The following CDH1 variants were observed in gnomAD, a reference collection of about 807,000 sequenced individuals.
CDH1 encodes the protein cadherin 1.
Under a neutral mutation model 84.5 loss-of-function variants are expected in CDH1, and 35 were observed. The observed-to-expected ratio is 0.41, with a 90% CI of 0.32 to 0.55. The LOEUF (loss-of-function observed/expected upper bound fraction) is 0.55, where lower values mean the gene tolerates loss of function less well. CDH1 is among the 20% of genes least tolerant of loss of function. The pLI, the probability that CDH1 is intolerant of heterozygous loss-of-function variation, is 0.19. For missense variants in CDH1, 994 were observed against 1,126.6 expected (o/e 0.88, Z 1.68); for synonymous variants, 417 against 439.0 (o/e 0.95, Z 0.63).
chr16:68,777,238 A>G (rs1276802565), intron 2 of CDH1, among the ~76,000 whole-genome samples: 3 of 152,232 alleles, frequency 2.0e-5, no homozygotes, highest in African/African-American at 7.2e-5. Context: ...CTCTGGGGCC[A>G]GACGGCCTGT....
In CDH1 at chr16:68,813,700, C is replaced by T. The variant is rs34821784; in HGVS notation, c.1320+205C>T. The T allele has an allele frequency of 0.011, 7,856 of 697,536 alleles. 399 individuals are homozygous for T. The highest frequency in any genetic ancestry group is 0.11 in the African/African-American group (6,350 of 57,596). The allele number at this position is 697,536 out of a possible 1,614,324, so 43.2% of individuals were successfully genotyped here. ...AAACTGTGCTGTGTGTGGTGGCTCA[C>T]GCCTGTAATCCCAGCACTTAGGGAC... On this transcript the variant is annotated intron_variant, in intron 9 of 15. Coordinates refer to ENST00000261769, the MANE Select transcript of CDH1 (RefSeq NM_004360.5).
chr16:68,810,115 G>T (rs1960776167), intron 5 of CDH1, 82 bp from the exon 6 acceptor site: 10 of 1,480,316 alleles, frequency 6.8e-6, no homozygotes, highest in South Asian at 1.1e-5. Flanking sequence ...AGCCAGGGGG[G>T]CGCACTCTGC....
intron 2 of CDH1, among the ~76,000 whole-genome samples, chr16:68,759,650 C>T (rs977026671): frequency 3.4e-4 from 51 of 152,040 alleles, no homozygotes; most frequent in African/African-American, 1.2e-3. Context: ...CCACCATGCC[C>T]AGATAATTTT....
intron 5 of CDH1, 88 bp downstream of exon 5, chr16:68,808,936 G>A (rs2152130458): frequency 7.9e-7 from 1 of 1,268,548 alleles, no homozygotes; most frequent in Non-Finnish European, 1.1e-6. Context: ...CAGATCAGAG[G>A]CTCTGAACAC....
rs758258272 is a variant in CDH1 at position 68,812,245 on chromosome 16, G to A, written c.1119G>A (p.Pro373=). The change falls in exon 8 of 16, where the codon CCG becomes CCA. Residue 373 remains proline (P), a synonymous_variant. Transcript: ENST00000261769. ...ITVTDTNDNP[P]IFNPTTYKGQ... is the part of the protein sequence containing the mutation. ...TCACTGACACCAACGATAATCCTCCGATCTTCAATCCCACCACGGTAATTC... is the reference window on the plus strand; with the variant it reads ...TCACTGACACCAACGATAATCCTCCAATCTTCAATCCCACCACGGTAATTC... 48 of 1,613,988 alleles carry A rather than the reference G, an allele frequency of 3.0e-5. No individual in the cohort carries two copies. The highest frequency in any genetic ancestry group is 3.3e-4 in the Middle Eastern group (2 of 6,084).
intron 2 of CDH1, among the ~76,000 whole-genome samples, chr16:68,766,337 T>G (rs1006257354): frequency 2.0e-5 from 3 of 152,156 alleles, no homozygotes; most frequent in Admixed American, 6.6e-5. Flanking sequence ...CCTTGACTAT[T>G]TCATGGCAGG....
chr16:68,815,222 AAAAAT>A (rs1217704810), intron 9 of CDH1, among the ~76,000 whole-genome samples: 3 of 152,110 alleles, frequency 2.0e-5, no homozygotes, highest in African/African-American at 4.8e-5. Context: ...TGTCTCAGAA[AAAAAT>A]AAAATAAGGA....
At chr16:68,768,648 C>T (rs1959455793) in intron 2 of CDH1, among the ~76,000 whole-genome samples, 1 of 152,122 alleles carries the variant, frequency 6.6e-6, no homozygotes, top group South Asian at 2.1e-4. Flanking sequence ...CAGTTGAGCC[C>T]AAGTGTTGAA....
At chr16:68,764,294 T>C (rs1387797114) in intron 2 of CDH1, among the ~76,000 whole-genome samples, 1 of 152,028 alleles carries the variant, frequency 6.6e-6, no homozygotes, top group East Asian at 1.9e-4. Flanking sequence ...AAATGGGAGC[T>C]GGCCAGGCAT....
intron 3 of CDH1, among the ~76,000 whole-genome samples, chr16:68,807,716 C>T (rs187322832): frequency 1.2e-4 from 18 of 151,922 alleles, no homozygotes; most frequent in South Asian, 2.1e-4. Flanking sequence ...GAAAAGAAAT[C>T]GAAAACCCAA....
chr16:68,755,568 G>C (rs1356048980), intron 2 of CDH1, among the ~76,000 whole-genome samples: 1 of 151,430 alleles, frequency 6.6e-6, no homozygotes, highest in Non-Finnish European at 1.5e-5. Context: ...TTCTAGAGAA[G>C]GAATCCTGAG....
chr16:68,771,008 C>A (rs1180796216), intron 2 of CDH1: 1 of 152,030 alleles, frequency 6.6e-6, no homozygotes. Flanking sequence ...GGAATCCTTT[C>A]CCCGCCAGTG....
chr16:68,781,870 C>T (rs1243334374), intron 2 of CDH1, among the ~76,000 whole-genome samples: 1 of 152,128 alleles, frequency 6.6e-6, no homozygotes, highest in Non-Finnish European at 1.5e-5. Context: ...ACCCACAGTT[C>T]CAGGGGGCCC....
chr16:68,810,296 A>T lies in CDH1; in HGVS notation c.787A>T (p.Thr263Ser), dbSNP rs1555515453. ...TDQNDNKPEF[T>S]QEVFKGSVME... ...TCAGAATGACAACAAGCCCGAATTC[A>T]CCCAGGAGGTCTTTAAGGGGTCTGT... is the stretch of plus-strand genomic sequence containing the variant. The change falls in exon 6 of 16, where the codon ACC becomes TCC. Residue 263 changes from threonine (T) to serine (S), a missense_variant. Thr to Ser is a moderately conservative substitution (Grantham distance 58, BLOSUM62 1). This residue lies in a region of CDH1 where 769 missense variants were observed against 881.8 expected (regional missense o/e 0.87). Coordinates refer to ENST00000261769, the MANE Select transcript of CDH1 (RefSeq NM_004360.5). 2 of 1,614,116 alleles carry T rather than the reference A, an allele frequency of 1.2e-6. No individual in the cohort carries two copies. The highest frequency in any genetic ancestry group is 1.7e-6 in the Non-Finnish European group (2 of 1,179,978).
chr16:68,812,719 T>C (rs35852800), intron 8 of CDH1, among the ~76,000 whole-genome samples: 1 of 152,090 alleles, frequency 6.6e-6, no homozygotes. Context: ...GGAGAAGGTA[T>C]TGAGAACCAA....
At chr16:68,742,677 T>TC (rs1962600713) in intron 2 of CDH1, 1 of 152,278 alleles carries the variant, frequency 6.6e-6, no homozygotes, top group Non-Finnish European at 1.5e-5. Flanking sequence ...CACCTTGGCC[T>TC]CCCAAAGTGC....
chr16:68,756,399 G>A (rs1408110344), intron 2 of CDH1, among the ~76,000 whole-genome samples: 2 of 152,098 alleles, frequency 1.3e-5, no homozygotes, highest in Admixed American at 6.6e-5. Flanking sequence ...CTGAGTCACC[G>A]ACATTGAGAG....
chr16:68,809,754 G>A (rs575616633), intron 5 of CDH1, among the ~76,000 whole-genome samples: 1 of 152,016 alleles, frequency 6.6e-6, no homozygotes, highest in African/African-American at 2.4e-5. Flanking sequence ...TTGAAATCTT[G>A]AGCTCAAGCA....
intron 2 of CDH1, among the ~76,000 whole-genome samples, chr16:68,739,437 A>G (rs1167732560): frequency 2.7e-5 from 4 of 150,520 alleles, no homozygotes; most frequent in Non-Finnish European, 5.9e-5. Flanking sequence ...TAAAAAATAA[A>G]TTTTTTTTTA....
Sources: allele counts gnomAD v4.1 joint callset (sites outside exome capture counted in the v4.1 genomes callset), GRCh38; gene constraint gnomAD v4.1.1; regional missense constraint gnomAD v4.1.1; transcripts MANE v1.5; gene names NCBI Gene and HGNC (gene_info 2026-07-23, HGNC 2026-07-21).